PLCXD2: variants seen among roughly 807,000 people sequenced by gnomAD.
PLCXD2 encodes PI-PLC X domain-containing protein 2.
PLCXD2 carries 21 observed loss-of-function variants against 28.6 expected under a neutral mutation model. That is an observed-to-expected ratio of 0.73 (90% CI 0.52 to 1.06). The LOEUF is 1.06. Among genes scored for constraint, PLCXD2 ranks in the 50% least tolerant of loss-of-function variants. The pLI, the probability that PLCXD2 is intolerant of heterozygous loss-of-function variation, is 0.00. For missense variants in PLCXD2, 369 were observed against 376.7 expected (o/e 0.98, Z 0.17); for synonymous variants, 140 against 150.1 (o/e 0.93, Z 0.49).
At chr3:111,726,839 T>C (rs192992463) in intron 3 of PLCXD2, 1 of 152,338 alleles carries the variant, frequency 6.6e-6, no homozygotes, top group East Asian at 1.9e-4. Context: ...TTGTATTTGA[T>C]TTGAACTACC....
At chr3:111,691,121 A>G (rs1940870709) in intron 1 of PLCXD2, among the ~76,000 whole-genome samples, 1 of 152,224 alleles carries the variant, frequency 6.6e-6, no homozygotes, top group African/African-American at 2.4e-5. Context: ...AAAGCAATAA[A>G]TACCACTTTA....
At chr3:111,694,906 G>A (rs1940939668) in intron 1 of PLCXD2, among the ~76,000 whole-genome samples, 1 of 152,146 alleles carries the variant, frequency 6.6e-6, no homozygotes, top group Non-Finnish European at 1.5e-5. Context: ...GATTTTGCCT[G>A]TATTGCCTGT....
chr3:111,683,611 C>G (rs924581451), intron 1 of PLCXD2, among the ~76,000 whole-genome samples: 1 of 152,192 alleles, frequency 6.6e-6, no homozygotes, highest in Non-Finnish European at 1.5e-5. Flanking sequence ...ATACTGGGCT[C>G]TCTCCTAGGC....
At chr3:111,694,972 T>C (rs559255469) in intron 1 of PLCXD2, among the ~76,000 whole-genome samples, 1 of 152,328 alleles carries the variant, frequency 6.6e-6, no homozygotes, top group East Asian at 1.9e-4. Context: ...GTGGTTTCTC[T>C]AAACCTCAGG....
At position 111,693,017 on chromosome 3, in the gene PLCXD2, A is replaced by G. The variant is rs527761878; in HGVS notation, c.164-14909A>G. On this transcript the variant is annotated intron_variant, in intron 1 of 4. Transcript: ENST00000477665. Reference sequence around the variant, plus strand: ...ATAGTTCAATAACGTGCAAATGGGAAAGAGGGAGGGGTAGAAGGAACACAT... The same window carrying G: ...ATAGTTCAATAACGTGCAAATGGGAGAGAGGGAGGGGTAGAAGGAACACAT... Among the ~76,000 whole-genome samples, 140 of 152,322 alleles carry G rather than the reference A, an allele frequency of 9.2e-4. No homozygotes were observed. In the Middle Eastern group the frequency reaches 0.01, roughly 11 times the overall value.
chr3:111,683,770 A>G (rs1171655445), intron 1 of PLCXD2, among the ~76,000 whole-genome samples: 1 of 152,166 alleles, frequency 6.6e-6, no homozygotes, highest in African/African-American at 2.4e-5. Flanking sequence ...TGCTGGAAGA[A>G]GCATATAGCA....
At chr3:111,713,407 G>C (rs1458301067) in intron 2 of PLCXD2, among the ~76,000 whole-genome samples, 1 of 152,106 alleles carries the variant, frequency 6.6e-6, no homozygotes, top group East Asian at 1.9e-4. Context: ...CTCACATTTT[G>C]GTTATCGCAG....
chr3:111,721,948 T>C (rs967717345), intron 3 of PLCXD2: 1 of 152,178 alleles, frequency 6.6e-6, no homozygotes, highest in Non-Finnish European at 1.5e-5. Context: ...TTTGGAGCCA[T>C]TCTATAACTC....
chr3:111,710,570 C>T (rs190601807), intron 2 of PLCXD2, among the ~76,000 whole-genome samples: 3 of 152,280 alleles, frequency 2.0e-5, no homozygotes, highest in Admixed American at 6.5e-5. Context: ...AGGATTCAGT[C>T]GCAGGCTTTC....
intron 2 of PLCXD2, among the ~76,000 whole-genome samples, chr3:111,709,091 GGA>G (rs1491384527): frequency 0.02 from 1,091 of 53,514 alleles, 10 homozygotes; most frequent in African/African-American, 0.04. Context: ...TACACTCTCT[GGA>G]AAAAAAAAAA....
At chr3:111,716,045 A>G (rs941815731) in intron 3 of PLCXD2, among the ~76,000 whole-genome samples, 3 of 152,240 alleles carry the variant, frequency 2.0e-5, no homozygotes, top group Non-Finnish European at 4.4e-5. Flanking sequence ...GGATCCTACT[A>G]TGCCAGAGCC....
At chr3:111,724,784 C>A (rs1029397838) in intron 3 of PLCXD2, 1 of 152,202 alleles carries the variant, frequency 6.6e-6, no homozygotes, top group Non-Finnish European at 1.5e-5. Flanking sequence ...TTCTAAGAAA[C>A]AGAGTGGGCT....
chr3:111,718,421 C>T (rs944114096), intron 3 of PLCXD2, among the ~76,000 whole-genome samples: 2 of 151,396 alleles, frequency 1.3e-5, no homozygotes, highest in African/African-American at 4.9e-5. Flanking sequence ...GCCAAGATCG[C>T]GCCTCTGCAC....
intron 1 of PLCXD2, among the ~76,000 whole-genome samples, chr3:111,696,806 T>C (rs1394928200): frequency 6.6e-6 from 1 of 152,266 alleles, no homozygotes; most frequent in East Asian, 1.9e-4. Context: ...GATAAAAATT[T>C]GGAGCTTACA....
At chr3:111,691,749 C>T (rs1265098985) in intron 1 of PLCXD2, among the ~76,000 whole-genome samples, 1 of 152,110 alleles carries the variant, frequency 6.6e-6, no homozygotes, top group East Asian at 1.9e-4. Flanking sequence ...GGTCTATGTC[C>T]CGGGCAGCCA....
chr3:111,720,748 G>C (rs1941335440), intron 3 of PLCXD2: 1 of 416,828 alleles, frequency 2.4e-6, no homozygotes, highest in Admixed American at 4.4e-5. Context: ...CCTGGACTGG[G>C]TGAAAACTCA....
intron 1 of PLCXD2, among the ~76,000 whole-genome samples, chr3:111,705,535 G>A (rs1037661209): frequency 7.2e-5 from 11 of 152,088 alleles, no homozygotes; most frequent in Non-Finnish European, 1.6e-4. Flanking sequence ...TATTAATGGG[G>A]TTGCTGGATT....
intron 1 of PLCXD2, among the ~76,000 whole-genome samples, chr3:111,701,356 A>G (rs1441387575): frequency 6.6e-6 from 1 of 152,218 alleles, no homozygotes; most frequent in Non-Finnish European, 1.5e-5. Context: ...AAATATAGAC[A>G]TATTTGGGGT....
At chr3:111,680,362 C>T (rs7651713) in intron 1 of PLCXD2, among the ~76,000 whole-genome samples, 43,564 of 151,682 alleles carry the variant, frequency 0.29, 6,827 homozygotes, top group African/African-American at 0.41. Flanking sequence ...TAGTATGAAC[C>T]GTGAGTTGGC....
Sources: gnomAD v4.1 joint callset for allele counts (sites outside exome capture counted in the v4.1 genomes callset) on GRCh38, gnomAD v4.1.1 for gene constraint, MANE v1.5 for transcripts, NCBI Gene and HGNC (gene_info 2026-07-23, HGNC 2026-07-21) for gene names.